GALNT7: variants seen among roughly 807,000 people sequenced by gnomAD.
The protein encoded by GALNT7 is polypeptide N-acetylgalactosaminyltransferase 7.
A neutral mutation model predicts 82.1 loss-of-function variants in GALNT7; 60 were observed. That is an observed-to-expected ratio of 0.73 (90% CI 0.59 to 0.91). The LOEUF is 0.91. Among genes scored for constraint, GALNT7 ranks in the 40% least tolerant of loss-of-function variants. The pLI is 0.00. For synonymous variants in GALNT7, 243 were observed against 275.1 expected, an observed-to-expected ratio of 0.88 and a Z score of 1.15; for missense variants, 660 against 804.2, an observed-to-expected ratio of 0.82 and a Z score of 2.17.
intron 1 of GALNT7, among the ~76,000 whole-genome samples, chr4:173,210,693 G>A (rs578011832): frequency 3.9e-5 from 6 of 152,214 alleles, no homozygotes; most frequent in Non-Finnish European, 8.8e-5. Flanking sequence ...CGGCCTCGCA[G>A]CGTACTAGGA....
chr4:173,284,935 A>G (rs1736267038), intron 2 of GALNT7, among the ~76,000 whole-genome samples: 2 of 152,166 alleles, frequency 1.3e-5, no homozygotes, highest in African/African-American at 2.4e-5. Context: ...ACCCTTTACA[A>G]GTTTTGCTGA....
intron 1 of GALNT7, among the ~76,000 whole-genome samples, chr4:173,178,310 A>G (rs1022114841): frequency 2.0e-5 from 3 of 152,160 alleles, no homozygotes; most frequent in African/African-American, 7.2e-5. Flanking sequence ...AACAATAGCA[A>G]AACTATGCTA....
chr4:173,173,021 G>A (rs573075204), intron 1 of GALNT7, among the ~76,000 whole-genome samples: 5 of 152,272 alleles, frequency 3.3e-5, no homozygotes, highest in African/African-American at 9.6e-5. Flanking sequence ...CATTATTCAG[G>A]TGGGACATAA....
chr4:173,285,359 C>T (rs573921183), intron 2 of GALNT7, among the ~76,000 whole-genome samples: 2 of 152,280 alleles, frequency 1.3e-5, no homozygotes, highest in African/African-American at 2.4e-5. Context: ...TTCCTTTCAG[C>T]GTAGTTAGGA....
At chr4:173,276,882 C>A (rs1316245788) in intron 2 of GALNT7, among the ~76,000 whole-genome samples, 1 of 151,992 alleles carries the variant, frequency 6.6e-6, no homozygotes, top group Non-Finnish European at 1.5e-5. Flanking sequence ...ATGTGTAATT[C>A]TCTTAAGTTT....
chr4:173,222,844 A>ACT lies in GALNT7; in HGVS notation c.127-25136_127-25135insCT, dbSNP rs1274595176. Among the ~76,000 whole-genome samples the ACT allele has an allele frequency of 4.0e-3, 608 of 152,338 alleles. 2 individuals are homozygous for ACT. Among genetic ancestry groups the ACT allele is most frequent in the African/African-American group, 0.014 (586 of 41,576 alleles). ...ACCATTGACCTGCAACGATGTTTTA[A>ACT]ATAAAATGACTACTAAGGTTAGATG... On this transcript the variant is annotated intron_variant, in intron 1 of 11. Coordinates refer to ENST00000265000, the MANE Select transcript of GALNT7 (RefSeq NM_017423.3).
intron 1 of GALNT7, among the ~76,000 whole-genome samples, chr4:173,202,149 A>G (rs530618826): frequency 2.0e-4 from 30 of 152,224 alleles, no homozygotes; most frequent in African/African-American, 7.0e-4. Flanking sequence ...TATTTTGCTA[A>G]AGGGAAGTGC....
intron 1 of GALNT7, among the ~76,000 whole-genome samples, chr4:173,243,789 A>G (rs1734514786): frequency 6.6e-6 from 1 of 151,748 alleles, no homozygotes; most frequent in African/African-American, 2.4e-5. Flanking sequence ...GGGAATATAG[A>G]GTTATGTTCT....
At chr4:173,265,257 A>G (rs1735437622) in intron 2 of GALNT7, among the ~76,000 whole-genome samples, 1 of 152,102 alleles carries the variant, frequency 6.6e-6, no homozygotes, top group African/African-American at 2.4e-5. Context: ...GTCTTCCTCT[A>G]TTAGCCTTTG....
At chr4:173,175,585 A>G (rs1374058513) in intron 1 of GALNT7, among the ~76,000 whole-genome samples, 2 of 152,242 alleles carry the variant, frequency 1.3e-5, no homozygotes, top group African/African-American at 2.4e-5. Context: ...ACTGAAGACA[A>G]TATAGATGGT....
chr4:173,321,499 C>T (rs888867371), intron 11 of GALNT7, 81 bp from the exon 12 acceptor site: 6 of 970,798 alleles, frequency 6.2e-6, no homozygotes, highest in Non-Finnish European at 9.8e-6. Context: ...ACTGTCTCCT[C>T]ATGAAAGTCA....
intron 2 of GALNT7, among the ~76,000 whole-genome samples, chr4:173,283,759 C>T (rs183542961): frequency 1.3e-3 from 195 of 152,114 alleles, no homozygotes; most frequent in African/African-American, 4.5e-3. Context: ...CTCTGCAAGT[C>T]GAACTTGACT....
chr4:173,212,966 G>A (rs1392645349), intron 1 of GALNT7, among the ~76,000 whole-genome samples: 4 of 151,916 alleles, frequency 2.6e-5, no homozygotes, highest in East Asian at 1.9e-4. Flanking sequence ...CTCTTTTAAC[G>A]TAATTGCTCA....
chr4:173,276,482 A>G (rs1735917219), intron 2 of GALNT7, among the ~76,000 whole-genome samples: 2 of 152,224 alleles, frequency 1.3e-5, no homozygotes, highest in African/African-American at 4.8e-5. Context: ...AAAATGATTA[A>G]ATAAAAAACT....
chr4:173,294,587 T>C (rs1179909003), intron 3 of GALNT7, among the ~76,000 whole-genome samples: 1 of 152,138 alleles, frequency 6.6e-6, no homozygotes, highest in Non-Finnish European at 1.5e-5. Context: ...ACAATGCTTG[T>C]GTCCTCAAGA....
rs982146757 is a variant in GALNT7 at position 173,323,776 on chromosome 4, G to A, written c.*2059G>A. 1.3e-5 allele frequency: 2 copies of A among 152,404 alleles called. No homozygotes were observed. The highest frequency in any genetic ancestry group is 4.8e-5 in the African/African-American group (2 of 41,386). 9.4% of individuals were successfully genotyped at this position (152,404 alleles called of 1,614,324 possible). A position where few individuals can be genotyped will look rare whatever the true frequency, so the allele number is the denominator to read the frequency against. ...TTCCCATATCCTTGCTTTGTAAGTT[G>A]GTAATATCACTATGCATTTCTACAC... On this transcript the variant is annotated 3_prime_UTR_variant, in exon 12 of 12. Transcript: ENST00000265000.
At chr4:173,212,974 T>C (rs1472682449) in intron 1 of GALNT7, among the ~76,000 whole-genome samples, 3 of 152,072 alleles carry the variant, frequency 2.0e-5, no homozygotes, top group African/African-American at 7.2e-5. Context: ...ACGTAATTGC[T>C]CACTTCATGA....
intron 2 of GALNT7, among the ~76,000 whole-genome samples, chr4:173,275,408 T>TG (rs1421459717): frequency 1.3e-5 from 2 of 152,182 alleles, no homozygotes; most frequent in Non-Finnish European, 2.9e-5. Context: ...CCTGGACAGC[T>TG]GCATCCCACA....
chr4:173,249,017 T>C (rs1734759763), intron 2 of GALNT7, among the ~76,000 whole-genome samples: 1 of 152,212 alleles, frequency 6.6e-6, no homozygotes. Flanking sequence ...AACTGTGACC[T>C]AAGATTTCCA....
Sources: gnomAD v4.1 joint callset for allele counts (sites outside exome capture counted in the v4.1 genomes callset) on GRCh38, gnomAD v4.1.1 for gene constraint, MANE v1.5 for transcripts, NCBI Gene and HGNC (gene_info 2026-07-23, HGNC 2026-07-21) for gene names.